Variants in PRKD1 observed in about 807,000 individuals in gnomAD.
PRKD1 encodes the protein protein kinase D1.
PRKD1 carries 63 observed loss-of-function variants against 95.9 expected under a neutral mutation model. The observed-to-expected ratio is 0.66, with a 90% CI of 0.54 to 0.81. PRKD1 has a LOEUF of 0.81. Ranked by LOEUF, PRKD1 falls within the 30% of genes least tolerant of loss-of-function variation. The probability of loss-of-function intolerance (pLI) is 0.00; values close to 1 mark genes in which losing one functional copy is unlikely to be tolerated. For missense variants in PRKD1, 1,048 were observed against 1,165.3 expected, an observed-to-expected ratio of 0.90 and a Z score of 1.47; for synonymous variants, 425 against 423.1, an observed-to-expected ratio of 1.00 and a Z score of -0.05.
At chr14:29,739,768 A>C (rs976991429) in intron 1 of PRKD1, among the ~76,000 whole-genome samples, 3 of 152,296 alleles carry the variant, frequency 2.0e-5, no homozygotes, top group Admixed American at 1.3e-4. Flanking sequence ...AAGTCTAATA[A>C]GCTACAGGTT....
At chr14:29,784,678 A>G (rs1889189566) in intron 1 of PRKD1, among the ~76,000 whole-genome samples, 1 of 152,160 alleles carries the variant, frequency 6.6e-6, no homozygotes, top group Non-Finnish European at 1.5e-5. Context: ...AAGGATACAA[A>G]AGTTGCCTGT....
At chr14:29,885,707 T>C (rs1893677389) in intron 1 of PRKD1, among the ~76,000 whole-genome samples, 1 of 149,844 alleles carries the variant, frequency 6.7e-6, no homozygotes, top group Non-Finnish European at 1.5e-5. Flanking sequence ...GGCGCACACC[T>C]TTAATCCCCA....
chr14:29,854,861 A>G (rs1192953093), intron 1 of PRKD1, among the ~76,000 whole-genome samples: 1 of 152,194 alleles, frequency 6.6e-6, no homozygotes, highest in Non-Finnish European at 1.5e-5. Context: ...AAAGGGGCCA[A>G]CAGGGAGCTT....
intron 2 of PRKD1, among the ~76,000 whole-genome samples, chr14:29,675,873 G>A (rs554764671): frequency 2.7e-5 from 4 of 150,908 alleles, no homozygotes; most frequent in South Asian, 2.1e-4. Flanking sequence ...GCAAACTATC[G>A]CAAGGACAAA....
rs767629178 is a variant in PRKD1, at chr14:29,630,971, A to G, written c.1443T>C (p.Ala481=). 10 of 1,613,760 alleles carry G rather than the reference A, an allele frequency of 6.2e-6. No individual in the cohort carries two copies. In the South Asian group the frequency reaches 7.7e-5, roughly 12 times the overall value. The change falls in exon 10 of 18, where the codon GCT becomes GCC. Residue 481 remains alanine, a synonymous_variant. Transcript: ENST00000331968. ...ILSLEPVKTS[A]LIPNGANPHC... ...GAGGATTGGCCCCATTAGGAATTAA[A>G]GCTGAAGTTTTTACTGGTTCCAGAG...
intron 1 of PRKD1, among the ~76,000 whole-genome samples, chr14:29,858,074 A>G (rs990792773): frequency 1.3e-5 from 2 of 152,238 alleles, no homozygotes; most frequent in African/African-American, 4.8e-5. Flanking sequence ...ACTCACTTAC[A>G]TAAGTCACTG....
intron 1 of PRKD1, among the ~76,000 whole-genome samples, chr14:29,838,171 G>A (rs1891684460): frequency 1.3e-5 from 2 of 152,006 alleles, no homozygotes; most frequent in South Asian, 4.2e-4. Context: ...GGTTTTAGGG[G>A]GATGAAATTT....
At chr14:29,823,891 T>C (rs1475104335) in intron 1 of PRKD1, among the ~76,000 whole-genome samples, 1 of 152,314 alleles carries the variant, frequency 6.6e-6, no homozygotes, top group East Asian at 1.9e-4. Flanking sequence ...AACAGCAAGA[T>C]TGTGTGTATT....
At chr14:29,617,031 C>G (rs138428255) in intron 13 of PRKD1, among the ~76,000 whole-genome samples, 1 of 152,286 alleles carries the variant, frequency 6.6e-6, no homozygotes, top group East Asian at 1.9e-4. Context: ...TTAGTTCTCA[C>G]TTATAAGTGA....
chr14:29,583,004 C>T (rs1254990336), intron 16 of PRKD1, among the ~76,000 whole-genome samples: 1 of 152,112 alleles, frequency 6.6e-6, no homozygotes, highest in Non-Finnish European at 1.5e-5. Flanking sequence ...CATAATCTGG[C>T]ACAGCTGCAG....
chr14:29,632,806 C>G lies in PRKD1; in HGVS notation c.1392+63G>C, dbSNP rs1180801661. ...TTGGATGTATTTCCTATTTCTTATA[C>G]TCTACATTCCCATGAAAAAGCAATA... On this transcript the variant is annotated intron_variant, in intron 9 of 17. Coordinates refer to ENST00000331968, the MANE Select transcript of PRKD1 (RefSeq NM_002742.3). 17 of 1,427,352 alleles carry G rather than the reference C, an allele frequency of 1.2e-5. No individual in the cohort carries two copies. In the South Asian group the frequency reaches 1.2e-4, roughly 10 times the overall value. 88.4% of individuals were successfully genotyped at this position (1,427,352 alleles called of 1,614,324 possible).
chr14:29,730,531 C>T (rs1249321247), intron 1 of PRKD1, among the ~76,000 whole-genome samples: 2 of 151,968 alleles, frequency 1.3e-5, no homozygotes, highest in Non-Finnish European at 2.9e-5. Context: ...AAGGAATATC[C>T]GGAGGAATTG....
At position 29,601,035 on chromosome 14, in the gene PRKD1, GAA is replaced by G. The variant is rs45520841; in HGVS notation, c.1906-1220_1906-1219del. On this transcript the variant is annotated intron_variant, in intron 13 of 17. Transcript: ENST00000331968. ...AACTAACTTAAATGTGCTAACAGCT[GAA>G]GAGAGAAAAAAATTAAATGCTTCTT... Among the ~76,000 whole-genome samples, 229 of 152,140 alleles carry G rather than the reference GAA, an allele frequency of 1.5e-3. 4 individuals are homozygous for G. The highest frequency in any genetic ancestry group is 0.01 in the East Asian group (54 of 5,184).
chr14:29,724,622 A>T (rs1195615346), intron 2 of PRKD1, among the ~76,000 whole-genome samples: 1 of 152,168 alleles, frequency 6.6e-6, no homozygotes, highest in Non-Finnish European at 1.5e-5. Context: ...GATAAATTGA[A>T]TTATAATCAG....
At chr14:29,778,626 T>C (rs1357728009) in intron 1 of PRKD1, among the ~76,000 whole-genome samples, 1 of 152,186 alleles carries the variant, frequency 6.6e-6, no homozygotes, top group Non-Finnish European at 1.5e-5. Flanking sequence ...TAACAGGCTC[T>C]GAAATTGAGG....
At chr14:29,664,533 GGACA>G (rs1223651718) in intron 3 of PRKD1, among the ~76,000 whole-genome samples, 5 of 152,038 alleles carry the variant, frequency 3.3e-5, no homozygotes, top group Admixed American at 6.6e-5. Flanking sequence ...ACAGCAGTCC[GGACA>G]GACAAATTTT....
intron 15 of PRKD1, 21 bp downstream of exon 15, chr14:29,599,006 G>A (rs768362126): frequency 8.2e-6 from 13 of 1,592,842 alleles, no homozygotes; most frequent in Admixed American, 1.7e-5. Context: ...GCTTTTTGCT[G>A]AGAGAGGCTT....
intron 4 of PRKD1, among the ~76,000 whole-genome samples, chr14:29,642,887 G>A (rs747252801): frequency 6.7e-6 from 1 of 149,818 alleles, no homozygotes; most frequent in Non-Finnish European, 1.5e-5. Flanking sequence ...CATGTATTTG[G>A]TGAACCTGAA....
intron 1 of PRKD1, among the ~76,000 whole-genome samples, chr14:29,906,496 C>T (rs1014061468): frequency 5.9e-5 from 9 of 151,488 alleles, no homozygotes; most frequent in East Asian, 5.8e-4. Flanking sequence ...CATGATTGCA[C>T]GTCCCAGGCA....
Sources: gnomAD v4.1 joint callset for allele counts (sites outside exome capture counted in the v4.1 genomes callset) on GRCh38, gnomAD v4.1.1 for gene constraint, MANE v1.5 for transcripts, NCBI Gene and HGNC (gene_info 2026-07-23, HGNC 2026-07-21) for gene names.